Variants in RFTN2 observed in about 807,000 individuals in gnomAD.
RFTN2 encodes raftlin family member 2.
A neutral mutation model predicts 52.7 loss-of-function variants in RFTN2; 34 were observed. That is an observed-to-expected ratio of 0.64 (90% confidence interval 0.49 to 0.86). RFTN2 has a LOEUF of 0.86. Ranked by LOEUF, RFTN2 falls within the 40% of genes least tolerant of loss-of-function variation. RFTN2 has a pLI of 0.00. For synonymous variants in RFTN2, 203 were observed against 217.7 expected (o/e 0.93, Z 0.59); for missense variants, 536 against 600.1 (o/e 0.89, Z 1.12).
At chr2:197,632,965 T>C (rs1179462060) in intron 4 of RFTN2, among the ~76,000 whole-genome samples, 1 of 152,220 alleles carries the variant, frequency 6.6e-6, no homozygotes, top group East Asian at 1.9e-4. Flanking sequence ...AACAACCCAA[T>C]GAGGGAGTTC....
At chr2:197,590,862 G>C (rs780304768) in intron 8 of RFTN2, among the ~76,000 whole-genome samples, 4 of 152,204 alleles carry the variant, frequency 2.6e-5, no homozygotes, top group Non-Finnish European at 4.4e-5. Context: ...AGCTCATAAA[G>C]ACAGTGTGGA....
At chr2:197,632,423 C>T (rs1285885067) in intron 4 of RFTN2, among the ~76,000 whole-genome samples, 2 of 152,144 alleles carry the variant, frequency 1.3e-5, no homozygotes, top group East Asian at 3.9e-4. Flanking sequence ...CTTTGCTGGG[C>T]TTTCATTCTT....
rs1045764972 is a variant in RFTN2, at chr2:197,569,682, C to T, written c.*2326G>A. On this transcript the variant is annotated 3_prime_UTR_variant, in exon 9 of 9. Transcript: ENST00000295049. The stretch of plus-strand genomic sequence containing the variant: ...GCTTGGCTGGGTGCAGTGGCTCACA[C>T]CTGTAATCCCAGCACATTGGGAGGC... 6.6e-6 allele frequency: 1 copy of T among 152,118 alleles called. No individual in the cohort carries two copies. The highest frequency in any genetic ancestry group is 1.5e-5 in the Non-Finnish European group (1 of 68,000). The allele number at this position is 152,118 out of a possible 1,614,324, so 9.4% of individuals were successfully genotyped here.
intron 7 of RFTN2, among the ~76,000 whole-genome samples, chr2:197,608,215 A>T (rs946470138): frequency 1.3e-5 from 2 of 152,098 alleles, no homozygotes; most frequent in Non-Finnish European, 2.9e-5. Context: ...CCTGTTCTAC[A>T]GGGGCTGCAG....
chr2:197,605,330 C>T (rs2087942529), intron 7 of RFTN2, among the ~76,000 whole-genome samples: 2 of 151,988 alleles, frequency 1.3e-5, no homozygotes, highest in African/African-American at 4.8e-5. Flanking sequence ...ATTCTCTTGC[C>T]TCAGCCTCCC....
At chr2:197,610,430 T>C (rs1000077213) in intron 7 of RFTN2, among the ~76,000 whole-genome samples, 1 of 152,224 alleles carries the variant, frequency 6.6e-6, no homozygotes, top group Non-Finnish European at 1.5e-5. Context: ...TATTGGTGTA[T>C]AGGAATGCTT....
intron 8 of RFTN2, among the ~76,000 whole-genome samples, chr2:197,575,180 T>C (rs2087391573): frequency 6.6e-6 from 1 of 152,204 alleles, no homozygotes; most frequent in Non-Finnish European, 1.5e-5. Flanking sequence ...GCATGTGCTG[T>C]CTTGCCTGCC....
chr2:197,631,423 C>G (rs891302623), intron 4 of RFTN2, among the ~76,000 whole-genome samples: 1 of 152,094 alleles, frequency 6.6e-6, no homozygotes, highest in Non-Finnish European at 1.5e-5. Context: ...ATGTGGTATC[C>G]TCTAATTCTA....
chr2:197,646,577 C>T lies in RFTN2; in HGVS notation c.229G>A (p.Gly77Arg), dbSNP rs771828267. The T allele has an allele frequency of 1.6e-5, 25 of 1,612,106 alleles. No homozygotes were observed. Among genetic ancestry groups the T allele is most frequent in the Middle Eastern group, 1.6e-4 (1 of 6,082 alleles). ...GGTTGTATAACAGGATGAATAGCCC[C>T]GACAATATATCCTTTAAGATAATAG... Reference protein sequence around the residue: ...ENYYLKGYIVGAIHPVIQPVG... With the variant: ...ENYYLKGYIVRAIHPVIQPVG... The change falls in exon 2 of 9, where the codon GGG (glycine) becomes AGG (arginine). Residue 77 changes from glycine to arginine, a missense_variant. Gly to Arg is a moderately radical substitution (Grantham distance 125). Transcript: ENST00000295049.
chr2:197,629,513 G>A (rs545808651), intron 5 of RFTN2, among the ~76,000 whole-genome samples: 21 of 152,072 alleles, frequency 1.4e-4, no homozygotes, highest in African/African-American at 4.8e-4. Context: ...TTTGATGGGT[G>A]CGGCACACCA....
rs557639614 is a variant in RFTN2 at position 197,674,073 on chromosome 2, G to A, written c.139+1247C>T. Among the ~76,000 whole-genome samples the A allele has an allele frequency of 1.8e-4, 28 of 152,132 alleles. 1 individual carries two copies. Among genetic ancestry groups the A allele is most frequent in the African/African-American group, 6.3e-4 (26 of 41,524 alleles). ...TAGAAAAAATTCAAACGGTTGTTTG[G>A]TTACTTCTCTGATAATTGCTATTAT... On this transcript the variant is annotated intron_variant, in intron 1 of 8. Coordinates refer to ENST00000295049, the MANE Select transcript of RFTN2 (RefSeq NM_144629.3).
At chr2:197,624,269 C>T (rs762503580) in intron 5 of RFTN2, among the ~76,000 whole-genome samples, 75 of 151,984 alleles carry the variant, frequency 4.9e-4, no homozygotes, top group Admixed American at 8.5e-4. Context: ...GTTAAAATGC[C>T]GTCAAACAGC....
intron 1 of RFTN2, among the ~76,000 whole-genome samples, chr2:197,660,286 G>A (rs2088959356): frequency 6.6e-6 from 1 of 151,876 alleles, no homozygotes; most frequent in African/African-American, 2.4e-5. Context: ...ATATTAGAAG[G>A]AGTATCTAAT....
intron 8 of RFTN2, among the ~76,000 whole-genome samples, chr2:197,587,126 T>C (rs1335746737): frequency 1.3e-5 from 2 of 152,072 alleles, no homozygotes; most frequent in African/African-American, 4.8e-5. Context: ...CACCAGTCAT[T>C]CTATATGACA....
Position 197,630,993 on chromosome 2 carries a change from CAT to C in RFTN2, c.928+16_928+17del, listed in dbSNP as rs771757659. ...TTCAAATTCCTCAGATATAAAATAT[CAT>C]TAACATAAAACTTACCTTTAGATGT... On this transcript the variant is annotated intron_variant, in intron 5 of 8. Coordinates refer to ENST00000295049, the MANE Select transcript of RFTN2 (RefSeq NM_144629.3). The C allele has an allele frequency of 1.2e-5, 18 of 1,490,492 alleles. No individual in the cohort carries two copies. Among genetic ancestry groups the C allele is most frequent in the Non-Finnish European group, 1.6e-5 (17 of 1,072,158 alleles). 92.3% of individuals were successfully genotyped at this position (1,490,492 alleles called of 1,614,324 possible). A position where few individuals can be genotyped will look rare whatever the true frequency, so the allele number is the denominator to read the frequency against.
At chr2:197,660,442 G>T (rs1377738126) in intron 1 of RFTN2, among the ~76,000 whole-genome samples, 1 of 151,960 alleles carries the variant, frequency 6.6e-6, no homozygotes, top group Non-Finnish European at 1.5e-5. Context: ...TAATATAACT[G>T]CAGTTTTAAA....
rs1010554286 is a variant in RFTN2 at position 197,570,733 on chromosome 2, A to G, written c.*1275T>C. ...TGACAGAGTGAGACTCCGTCTCAAA[A>G]AAAGCCACAAAAAACCCCCAAACCA... is the stretch of plus-strand genomic sequence containing the variant. On this transcript the variant is annotated 3_prime_UTR_variant, in exon 9 of 9. Coordinates refer to ENST00000295049, the MANE Select transcript of RFTN2 (RefSeq NM_144629.3). 1 of 152,240 alleles carries G rather than the reference A, an allele frequency of 6.6e-6. No homozygotes were observed. The highest frequency in any genetic ancestry group is 1.5e-5 in the Non-Finnish European group (1 of 68,038). 9.4% of individuals were successfully genotyped at this position (152,240 alleles called of 1,614,324 possible).
rs1357285568 is a variant in RFTN2 at position 197,570,904 on chromosome 2, A to G, written c.*1104T>C. ...TTCATCAATGATAGAATAAGTTGTA[A>G]TTCACTTGGAGGTTCCATCTTTCAA... On this transcript the variant is annotated 3_prime_UTR_variant, in exon 9 of 9. Coordinates refer to ENST00000295049, the MANE Select transcript of RFTN2 (RefSeq NM_144629.3). 2 of 152,296 alleles carry G rather than the reference A, an allele frequency of 1.3e-5. No individual in the cohort carries two copies. The highest frequency in any genetic ancestry group is 2.9e-5 in the Non-Finnish European group (2 of 68,050). The allele number at this position is 152,296 out of a possible 1,614,324, so 9.4% of individuals were successfully genotyped here.
chr2:197,664,204 G>A (rs2089019025), intron 1 of RFTN2, among the ~76,000 whole-genome samples: 1 of 152,066 alleles, frequency 6.6e-6, no homozygotes, highest in Non-Finnish European at 1.5e-5. Flanking sequence ...TGGGTATGGT[G>A]GCTCATGACT....
Sources: gnomAD v4.1 joint callset for allele counts (sites outside exome capture counted in the v4.1 genomes callset) on GRCh38, gnomAD v4.1.1 for gene constraint, MANE v1.5 for transcripts, NCBI Gene and HGNC (gene_info 2026-07-23, HGNC 2026-07-21) for gene names.